The following PCDH9 variants were observed in gnomAD, a reference collection of about 807,000 sequenced individuals.
PCDH9 encodes protocadherin 9.
Under a neutral mutation model 70.6 loss-of-function variants are expected in PCDH9, and 24 were observed. That is an observed-to-expected ratio of 0.34 (90% CI 0.25 to 0.48). PCDH9 has a LOEUF of 0.48. Among genes scored for constraint, PCDH9 ranks in the 20% least tolerant of loss-of-function variants. The probability of loss-of-function intolerance (pLI) is 0.99; values close to 1 mark genes in which losing one functional copy is unlikely to be tolerated. For synonymous variants in PCDH9, 562 were observed against 558.5 expected, an observed-to-expected ratio of 1.01 and a Z score of -0.09; for missense variants, 1,281 against 1,503.6, an observed-to-expected ratio of 0.85 and a Z score of 2.45.
chr13:66,484,279 A>C (rs2138516362), intron 4 of PCDH9, among the ~76,000 whole-genome samples: 1 of 152,124 alleles, frequency 6.6e-6, no homozygotes, highest in South Asian at 2.1e-4. Flanking sequence ...ACCTTGAGAC[A>C]CACGTCCACT....
chr13:66,541,323 A>G (rs1424506629), intron 4 of PCDH9, among the ~76,000 whole-genome samples: 1 of 152,156 alleles, frequency 6.6e-6, no homozygotes, highest in Non-Finnish European at 1.5e-5. Context: ...AGGTGTTAAG[A>G]GTAATGAGAG....
intron 3 of PCDH9, among the ~76,000 whole-genome samples, chr13:66,721,650 T>A (rs1040014860): frequency 6.6e-6 from 1 of 152,198 alleles, no homozygotes. Context: ...TTTAAAACTC[T>A]CTGCATTTCA....
intron 4 of PCDH9, among the ~76,000 whole-genome samples, chr13:66,356,214 T>C (rs954720836): frequency 2.6e-5 from 4 of 152,128 alleles, no homozygotes; most frequent in Non-Finnish European, 2.9e-5. Flanking sequence ...GAATGGACAC[T>C]TTTCAAATTA....
At chr13:67,114,754 G>A (rs1271011694) in intron 2 of PCDH9, among the ~76,000 whole-genome samples, 1 of 152,144 alleles carries the variant, frequency 6.6e-6, no homozygotes, top group Non-Finnish European at 1.5e-5. Context: ...GATGAGGGGA[G>A]ATAAATGTAG....
intron 2 of PCDH9, among the ~76,000 whole-genome samples, chr13:67,071,982 A>G (rs1023033): frequency 0.36 from 54,184 of 151,798 alleles, 10,522 homozygotes; most frequent in East Asian, 0.59. Context: ...CCAAAGTTAC[A>G]ATGTGGTTTA....
At chr13:66,808,378 T>C (rs1594087448) in intron 3 of PCDH9, among the ~76,000 whole-genome samples, 1 of 152,298 alleles carries the variant, frequency 6.6e-6, no homozygotes, top group South Asian at 2.1e-4. Context: ...TAAAAAAAGA[T>C]ATAGGCAATA....
chr13:66,581,464 G>A (rs948721491), intron 4 of PCDH9, among the ~76,000 whole-genome samples: 4 of 152,148 alleles, frequency 2.6e-5, no homozygotes, highest in Admixed American at 6.6e-5. Context: ...CACAGCAAAA[G>A]TGAATTCCCT....
chr13:66,339,238 C>CA (rs954431870), intron 4 of PCDH9, among the ~76,000 whole-genome samples: 9 of 133,072 alleles, frequency 6.8e-5, no homozygotes, highest in South Asian at 2.3e-4. Context: ...ACAACAACAA[C>CA]AAAAAAACAG....
chr13:67,091,905 A>T (rs575607821), intron 2 of PCDH9, among the ~76,000 whole-genome samples: 2 of 152,160 alleles, frequency 1.3e-5, no homozygotes, highest in East Asian at 3.9e-4. Flanking sequence ...TGTTTTAAGG[A>T]TTATTTATTA....
intron 3 of PCDH9, among the ~76,000 whole-genome samples, chr13:66,720,623 A>C (rs924139091): frequency 2.6e-5 from 4 of 152,118 alleles, no homozygotes; most frequent in East Asian, 1.9e-4. Flanking sequence ...ATACCACATA[A>C]ATTTCTGCTA....
intron 2 of PCDH9, among the ~76,000 whole-genome samples, chr13:67,038,863 A>G (rs549627173): frequency 1.1e-3 from 169 of 152,224 alleles, no homozygotes; most frequent in Admixed American, 2.0e-3. Flanking sequence ...TGTGAGTAAT[A>G]GAAGAGTTTT....
intron 4 of PCDH9, among the ~76,000 whole-genome samples, chr13:66,614,624 A>G (rs570825094): frequency 1.3e-5 from 2 of 152,298 alleles, no homozygotes; most frequent in East Asian, 1.9e-4. Flanking sequence ...GGCTTTTCGA[A>G]TACTTCAGAG....
At chr13:67,125,339 G>A (rs1050317679) in intron 2 of PCDH9, among the ~76,000 whole-genome samples, 1 of 152,118 alleles carries the variant, frequency 6.6e-6, no homozygotes, top group African/African-American at 2.4e-5. Flanking sequence ...CATAATAAAG[G>A]TTATTAAGGA....
chr13:66,966,711 T>C (rs1041091402), intron 2 of PCDH9, among the ~76,000 whole-genome samples: 2 of 152,104 alleles, frequency 1.3e-5, no homozygotes, highest in Non-Finnish European at 2.9e-5. Context: ...ACAGTGATTT[T>C]TGTGCCTGAG....
At chr13:66,525,545 T>TCAAAACAAAA (rs900578971) in intron 4 of PCDH9, among the ~76,000 whole-genome samples, 2 of 152,008 alleles carry the variant, frequency 1.3e-5, no homozygotes, top group Admixed American at 1.3e-4. Flanking sequence ...AAAGCAAAAA[T>TCAAAACAAAA]CAAAACAAAA....
intron 2 of PCDH9, among the ~76,000 whole-genome samples, chr13:67,138,600 T>A (rs1023165227): frequency 6.6e-6 from 1 of 152,216 alleles, no homozygotes; most frequent in Admixed American, 6.5e-5. Context: ...GAGTCACCAA[T>A]GGAATCCTCT....
At chr13:66,459,113 G>A (rs935107630) in intron 4 of PCDH9, among the ~76,000 whole-genome samples, 3 of 151,922 alleles carry the variant, frequency 2.0e-5, no homozygotes, top group Admixed American at 6.6e-5. Flanking sequence ...GTTTACAGTC[G>A]AAACTACAGG....
chr13:66,583,083 T>C (rs1028223109), intron 4 of PCDH9, among the ~76,000 whole-genome samples: 1 of 151,662 alleles, frequency 6.6e-6, no homozygotes, highest in Non-Finnish European at 1.5e-5. Context: ...AAGAATGCTC[T>C]TGAAATTGTA....
intron 4 of PCDH9, among the ~76,000 whole-genome samples, chr13:66,539,247 A>T (rs1960841403): frequency 1.3e-5 from 2 of 152,080 alleles, no homozygotes; most frequent in African/African-American, 4.8e-5. Flanking sequence ...AATCTACTGG[A>T]ACTACCTTCA....
Sources: allele counts gnomAD v4.1 joint callset (sites outside exome capture counted in the v4.1 genomes callset), GRCh38; gene constraint gnomAD v4.1.1; transcripts MANE v1.5; gene names NCBI Gene and HGNC (gene_info 2026-07-23, HGNC 2026-07-21).